PRSS53: variants seen among roughly 807,000 people sequenced by gnomAD.
PRSS53 encodes serine protease 53.
PRSS53 carries 54 observed loss-of-function variants against 62.7 expected under a neutral mutation model. The ratio of observed to expected loss-of-function variants is 0.86; its 90% CI spans 0.69 to 1.08. PRSS53 has a LOEUF of 1.08. Ranked by LOEUF, PRSS53 falls within the 50% of genes least tolerant of loss-of-function variation. The pLI is 0.00. For synonymous variants in PRSS53, 273 were observed against 300.0 expected, an observed-to-expected ratio of 0.91 and a Z score of 0.93; for missense variants, 688 against 728.3, an observed-to-expected ratio of 0.94 and a Z score of 0.64.
Position 31,087,789 on chromosome 16 carries a change from G to T in PRSS53, c.79+17C>A, listed in dbSNP as rs758037443. On this transcript the variant is annotated intron_variant, in intron 2 of 10. Coordinates refer to ENST00000280606, the Ensembl canonical transcript of PRSS53. ...CAGACCCAAGTAAGACCTAGGCCCC[G>T]TGTCCCCAGACCTTACCACGCTGAG... 1 of 1,613,966 alleles carries T rather than the reference G, an allele frequency of 6.2e-7. No homozygotes were observed. The highest frequency in any genetic ancestry group is 8.5e-7 in the Non-Finnish European group (1 of 1,180,024).
exon 10 of PRSS53, chr16:31,084,124 TTGGCCA>T: frequency 6.3e-7 from 1 of 1,575,514 alleles, no homozygotes; most frequent in Non-Finnish European, 8.6e-7. Context: ...CATACTTATG[TTGGCCA>T]GGCAGCTTCC....
In PRSS53 at chr16:31,086,425, T is replaced by G. The variant is rs933107672; in HGVS notation, c.575A>C (p.Asn192Thr). 7 of 1,614,068 alleles carry G rather than the reference T, an allele frequency of 4.3e-6. No homozygotes were observed. The Admixed American group carries it at 5.0e-5, about 12-fold the overall frequency. ...GGACAGGTGTCGCTGGTGCAGCTGG[T>G]TGTAGATACAGTTACATGTGGGGCG... Residue 192 changes from asparagine to threonine, a missense_variant, in exon 5 of 11, where the codon AAC becomes ACC. Physicochemically the swap from Asn to Thr is moderately conservative, Grantham distance 65. Coordinates refer to ENST00000280606, the Ensembl canonical transcript of PRSS53.
At chr16:31,086,280 C>A in intron 5 of PRSS53, 57 bp downstream of exon 5, 1 of 1,583,208 alleles carries the variant, frequency 6.3e-7, no homozygotes, top group Non-Finnish European at 8.6e-7. Context: ...GTGAGTCCAA[C>A]CCCCAGCCCA....
exon 11 of PRSS53, chr16:31,083,522 C>T (rs1392807619): frequency 8.8e-6 from 12 of 1,370,720 alleles, no homozygotes; most frequent in East Asian, 2.9e-5. Flanking sequence ...ACGTGGCTGG[C>T]GTGATTGTAT....
At chr16:31,087,632 G>A (rs1163049456) in exon 3 of PRSS53, 3 of 1,610,568 alleles carry the variant, frequency 1.9e-6, no homozygotes, top group Non-Finnish European at 2.5e-6. Flanking sequence ...TGGCCTGCCA[G>A]GGCCACTCGC....
Position 31,087,843 on chromosome 16 carries a change from A to G in PRSS53, c.59-17T>C. 1 of 1,613,770 alleles carries G rather than the reference A, an allele frequency of 6.2e-7. No individual in the cohort carries two copies. The highest frequency in any genetic ancestry group is 1.1e-5 in the South Asian group (1 of 91,060). The stretch of plus-strand genomic sequence containing the variant: ...CTTGAAGACCTGGGAAGAGAGAGAC[A>G]CAGGTAAGATGCAGGGACTCCAGGC... On this transcript the variant is annotated splice_polypyrimidine_tract_variant and intron_variant, in intron 1 of 10. Coordinates refer to ENST00000280606, the Ensembl canonical transcript of PRSS53.
chr16:31,088,235 G>C (rs1486597977), intron 1 of PRSS53: 1 of 1,135,020 alleles, frequency 8.8e-7, no homozygotes. Flanking sequence ...TCATTTCCAA[G>C]TGGGGAGGGC....
chr16:31,088,564 G>C, intron 1 of PRSS53, 188 bp downstream of exon 1: 1 of 1,435,400 alleles, frequency 7.0e-7, no homozygotes, highest in Admixed American at 2.7e-5. Context: ...GCTGGCCCGA[G>C]AAAATCTCAT....
intron 3 of PRSS53, chr16:31,087,256 C>T: frequency 1.8e-6 from 1 of 548,788 alleles, no homozygotes; most frequent in Non-Finnish European, 3.2e-6. Flanking sequence ...CGTGGCCTCC[C>T]AAAGGGCTGG....
At chr16:31,084,188 C>A in exon 10 of PRSS53, 1 of 1,609,556 alleles carries the variant, frequency 6.2e-7, no homozygotes, top group Non-Finnish European at 8.5e-7. Context: ...ACCTGCCAGT[C>A]CAAACTGCTG....
intron 6 of PRSS53, among the ~76,000 whole-genome samples, chr16:31,085,656 CACTT>C (rs2057224535): frequency 6.6e-6 from 1 of 152,180 alleles, no homozygotes; most frequent in African/African-American, 2.4e-5. Context: ...GCATGCCAGT[CACTT>C]AATGCCGGAA....
chr16:31,087,492 A>C, intron 3 of PRSS53, 45 bp downstream of exon 3: 7 of 1,491,718 alleles, frequency 4.7e-6, no homozygotes, highest in Non-Finnish European at 6.5e-6. Flanking sequence ...CAAATTGTCC[A>C]CTCCCCAGAG....
At chr16:31,084,634 G>A in exon 9 of PRSS53, 1 of 1,608,242 alleles carries the variant, frequency 6.2e-7, no homozygotes, top group Non-Finnish European at 8.5e-7. Flanking sequence ...ACCCCCAGGA[G>A]CTGCATGCAG....
rs376181548 is a variant in PRSS53, at chr16:31,085,285, G to A, written c.884-25C>T. ...GCTGAAACAGATAAGTGCCTCATCT[G>A]ACTTCTTGCTAAGCACTTCCCACTT... On this transcript the variant is annotated intron_variant, in intron 6 of 10. Transcript: ENST00000280606. 1.9e-5 allele frequency: 29 copies of A among 1,515,436 alleles called. No homozygotes were observed. In the African/African-American group the frequency reaches 3.9e-4, roughly 20 times the overall value. The allele number at this position is 1,515,436 out of a possible 1,614,324, so 93.9% of individuals were successfully genotyped here.
rs770309552 is a variant in PRSS53 at position 31,087,700 on chromosome 16, C to G, written c.80-1G>C. 2 of 1,613,410 alleles carry G rather than the reference C, an allele frequency of 1.2e-6. No individual in the cohort carries two copies. Among genetic ancestry groups the G allele is most frequent in the Non-Finnish European group, 1.7e-6 (2 of 1,179,808 alleles). ...GGGCCGGGGCCACGCTGTCCACAGG[C>G]TGTGGAAAGGAGTTAGTCACACTGA... On this transcript the variant is annotated splice_acceptor_variant, in intron 2 of 10. Transcript: ENST00000280606. LOFTEE classifies it high-confidence loss of function.
At chr16:31,087,621 C>G in exon 3 of PRSS53, 1 of 1,610,564 alleles carries the variant, frequency 6.2e-7, no homozygotes, top group Non-Finnish European at 8.5e-7. Flanking sequence ...CCTCCTCACA[C>G]TGGCCTGCCA....
At chr16:31,084,732 C>A in intron 8 of PRSS53, 29 bp from the exon 9 acceptor site, 2 of 1,600,382 alleles carry the variant, frequency 1.2e-6, no homozygotes, top group Non-Finnish European at 1.7e-6. Context: ...CTGGCTGCCC[C>A]GGCCTGCAGG....
chr16:31,088,451 G>A, intron 1 of PRSS53: 1 of 1,290,984 alleles, frequency 7.7e-7, no homozygotes. Flanking sequence ...CCCAGAGTTT[G>A]CCTGACGTCA....
At position 31,086,580 on chromosome 16, in the gene PRSS53, G is replaced by A; in HGVS notation, c.508+53C>T. The A allele has an allele frequency of 1.9e-6, 3 of 1,552,160 alleles. No individual in the cohort carries two copies. The South Asian group carries it at 3.7e-5, about 19-fold the overall frequency. On this transcript the variant is annotated intron_variant, in intron 4 of 10. Coordinates refer to ENST00000280606, the Ensembl canonical transcript of PRSS53. ...CAGGACAGTTGGGAGCTGAGACTGT[G>A]ACGCTGGGCAAGCAGAGTGCCTCTC...
Sources: allele counts gnomAD v4.1 joint callset (sites outside exome capture counted in the v4.1 genomes callset), GRCh38; gene constraint gnomAD v4.1.1; transcripts MANE v1.5; gene names NCBI Gene and HGNC (gene_info 2026-07-23, HGNC 2026-07-21).